The following ADGRG2 variants were observed in gnomAD, a reference collection of about 807,000 sequenced individuals.
The protein encoded by ADGRG2 is G protein-coupled receptor 64.
Under a neutral mutation model 74.1 loss-of-function variants are expected in ADGRG2, and 26 were observed. That is an observed-to-expected ratio of 0.35 (90% CI 0.26 to 0.49). The LOEUF (loss-of-function observed/expected upper bound fraction) is 0.49. Among genes scored for constraint, ADGRG2 ranks in the 20% least tolerant of loss-of-function variants. The pLI is 0.99. For synonymous variants in ADGRG2, 296 were observed against 295.2 expected (o/e 1.00, Z -0.03); for missense variants, 619 against 763.1 (o/e 0.81, Z 2.22).
At chrX:19,103,303 AC>A (rs757826795) in intron 1 of ADGRG2, among the ~76,000 whole-genome samples, 5 of 111,793 alleles carry the variant, frequency 4.5e-5, no homozygotes, top group Non-Finnish European at 7.5e-5. Context: ...TCAGGAAGTT[AC>A]CCTTTACAGT....
intron 6 of ADGRG2, chrX:19,036,205 A>T (rs1313166994): frequency 6.9e-6 from 2 of 289,689 alleles, no homozygotes; most frequent in Admixed American, 1.2e-4. Flanking sequence ...AATGCAAGTT[A>T]CATGTCTAAA....
At chrX:19,094,578 A>G (rs1159038848) in intron 1 of ADGRG2, among the ~76,000 whole-genome samples, 1 of 112,068 alleles carries the variant, frequency 8.9e-6, no homozygotes, top group East Asian at 2.8e-4. Context: ...TGCGCCTCAG[A>G]AACTGGAAGT....
intron 3 of ADGRG2, among the ~76,000 whole-genome samples, chrX:19,067,487 A>G (rs1162608121): frequency 1.8e-5 from 2 of 112,204 alleles, no homozygotes; most frequent in Non-Finnish European, 3.8e-5. Context: ...ACCATATACA[A>G]AAATGATAAA....
rs73447608 is a variant in ADGRG2 at position 19,090,386 on chromosome X, G to A, written c.-46-7640C>T. Among the ~76,000 whole-genome samples the A allele has an allele frequency of 9.5e-3, 1,066 of 111,779 alleles. 9 individuals carry two copies. The highest frequency in any genetic ancestry group is 0.033 in the African/African-American group (1,000 of 30,754). On this transcript the variant is annotated intron_variant, in intron 1 of 28. Transcript: ENST00000379869. Reference sequence around the variant, plus strand: ...TAGCCAGCAGAGAGGAGAAGAAAATGGGCCTTCGAGCCAGATGCCCAAGGG... The same window carrying A: ...TAGCCAGCAGAGAGGAGAAGAAAATAGGCCTTCGAGCCAGATGCCCAAGGG...
intron 16 of ADGRG2, among the ~76,000 whole-genome samples, chrX:19,012,915 T>C (rs766315861): frequency 1.8e-5 from 2 of 111,626 alleles, no homozygotes; most frequent in Non-Finnish European, 3.8e-5. Flanking sequence ...CCTTTATCTC[T>C]GTACCACTAA....
rs1265322929 is a variant in ADGRG2, at chrX:19,010,700, A to G, written c.1178T>C (p.Leu393Pro). ...QMEKALSLGS[L>P]EPNLAGEMIN... is the part of the protein sequence containing the mutation. ...CATTTCTCCTGCGAGGTTAGGCTCC[A>G]GGCTGCCCAAGGACAGAGCCTTCTC... The change falls in exon 17 of 29, where the codon CTG becomes CCG. Residue 393 changes from leucine (L) to proline (P), a missense_variant. Leu to Pro is a moderately conservative substitution (Grantham distance 98). Coordinates refer to ENST00000379869, the MANE Select transcript of ADGRG2 (RefSeq NM_001079858.3). 1 of 1,203,228 alleles carries G rather than the reference A, an allele frequency of 8.3e-7. No individual in the cohort carries two copies. The highest frequency in any genetic ancestry group is 1.8e-5 in the South Asian group (1 of 56,638).
At chrX:18,992,154 C>T (rs780421132) in intron 28 of ADGRG2, among the ~76,000 whole-genome samples, 2 of 112,171 alleles carry the variant, frequency 1.8e-5, no homozygotes, top group African/African-American at 3.2e-5. Context: ...ATATGGTTAA[C>T]GTAGCTCCAT....
chrX:19,040,044 AT>A, intron 4 of ADGRG2, 144 bp downstream of exon 4: 1 of 448,370 alleles, frequency 2.2e-6, no homozygotes, highest in Non-Finnish European at 3.9e-6. Context: ...GCTTGCATTG[AT>A]TTTTCAGGTG....
At chrX:19,119,578 T>C (rs907847510) in intron 1 of ADGRG2, among the ~76,000 whole-genome samples, 4 of 111,772 alleles carry the variant, frequency 3.6e-5, no homozygotes, top group Non-Finnish European at 5.6e-5. Context: ...TTTGTTAATT[T>C]AATAGCACTC....
intron 3 of ADGRG2, 68 bp from the exon 4 acceptor site, chrX:19,040,292 T>C: frequency 5.7e-6 from 4 of 703,167 alleles, no homozygotes; most frequent in Non-Finnish European, 8.8e-6. Context: ...TTGTACTATA[T>C]TAAGGATTTT....
At chrX:19,074,544 T>TTTCTTCTTTCTTC (rs1569126714) in intron 2 of ADGRG2, among the ~76,000 whole-genome samples, 4 of 71,726 alleles carry the variant, frequency 5.6e-5, no homozygotes, top group African/African-American at 2.5e-4. Context: ...GCGCATTTTC[T>TTTCTTCTTTCTTC]TTCTTCTTCT....
chrX:19,024,019 T>G (rs978252232), intron 11 of ADGRG2, 71 bp from the exon 12 acceptor site: 50 of 767,274 alleles, frequency 6.5e-5, no homozygotes, highest in Non-Finnish European at 9.3e-5. Flanking sequence ...ATGTTAGATT[T>G]TAGCAATTAA....
chrX:19,111,085 G>A (rs767784474), intron 1 of ADGRG2, among the ~76,000 whole-genome samples: 1 of 111,702 alleles, frequency 9.0e-6, no homozygotes, highest in East Asian at 2.8e-4. Context: ...ATTTGTTGAT[G>A]GGTTGGATGT....
Position 19,023,927 on chromosome X carries a change from G to T in ADGRG2, c.492C>A (p.Thr164=). The stretch of plus-strand genomic sequence containing the variant: ...TGATTACCTCACTTAGGGTTTGCAG[G>T]GTTTTGTTGAGCTCTGAGCGTCTGT... ...SELKRSELNK[T]LQTLSETYFI... The change falls in exon 12 of 29, where the codon ACC becomes ACA. Residue 164 remains threonine (T), a synonymous_variant. Coordinates refer to ENST00000379869, the MANE Select transcript of ADGRG2 (RefSeq NM_001079858.3). 1 of 1,191,413 alleles carries T rather than the reference G, an allele frequency of 8.4e-7. No individual in the cohort carries two copies.
intron 1 of ADGRG2, among the ~76,000 whole-genome samples, chrX:19,118,069 C>T (rs2062554476): frequency 9.0e-6 from 1 of 111,538 alleles, no homozygotes; most frequent in Non-Finnish European, 1.9e-5. Context: ...AACCCTATGG[C>T]AAGCACAATA....
rs183900056 is a variant in ADGRG2, at chrX:19,084,390, T to C, written c.-46-1644A>G. Among the ~76,000 whole-genome samples the C allele has an allele frequency of 1.8e-3, 194 of 110,567 alleles. 1 individual carries two copies. The highest frequency in any genetic ancestry group is 9.6e-4 in the Non-Finnish European group (51 of 52,863). On this transcript the variant is annotated intron_variant, in intron 1 of 28. Coordinates refer to ENST00000379869, the MANE Select transcript of ADGRG2 (RefSeq NM_001079858.3). The stretch of plus-strand genomic sequence containing the variant: ...GCTTAATACCTAGGTGATGGGTTGA[T>C]AGGTATAGCAAATCACCATGGCACA...
At chrX:19,055,302 G>C (rs1238513041) in intron 3 of ADGRG2, among the ~76,000 whole-genome samples, 1 of 111,787 alleles carries the variant, frequency 8.9e-6, no homozygotes, top group Non-Finnish European at 1.9e-5. Flanking sequence ...GCACGCGCGT[G>C]CACGCACCTT....
At chrX:19,063,881 G>A (rs776273035) in intron 3 of ADGRG2, among the ~76,000 whole-genome samples, 1 of 112,005 alleles carries the variant, frequency 8.9e-6, no homozygotes, top group Non-Finnish European at 1.9e-5. Flanking sequence ...GAAGCAGAGT[G>A]GGGGAATATG....
chrX:19,072,659 A>G lies in ADGRG2; in HGVS notation c.-1-3824T>C, dbSNP rs2061673478. Among the ~76,000 whole-genome samples, 3 of 111,794 alleles carry G rather than the reference A, an allele frequency of 2.7e-5. No individual in the cohort carries two copies. The South Asian group carries it at 1.1e-3, about 42-fold the overall frequency. On this transcript the variant is annotated intron_variant, in intron 2 of 28. Transcript: ENST00000379869. ...ATCTACTCAACTTCCAAATGCAGGT[A>G]GGAAAGGCCAGAATGAAAGATGACC...
Sources: gnomAD v4.1 joint callset for allele counts (sites outside exome capture counted in the v4.1 genomes callset) on GRCh38, gnomAD v4.1.1 for gene constraint, MANE v1.5 for transcripts, NCBI Gene and HGNC (gene_info 2026-07-23, HGNC 2026-07-21) for gene names.